Variants in PLCG1 observed in about 807,000 individuals in gnomAD.
PLCG1 encodes the protein phospholipase C gamma 1.
PLCG1 carries 71 observed loss-of-function variants against 177.8 expected under a neutral mutation model. That is an observed-to-expected ratio of 0.40 (90% CI 0.33 to 0.49). The LOEUF (loss-of-function observed/expected upper bound fraction) is 0.49, where lower values mean the gene tolerates loss of function less well. PLCG1 is among the 20% of genes least tolerant of loss of function. The pLI is 0.72. For missense variants in PLCG1, 1,281 were observed against 1,709.0 expected, an observed-to-expected ratio of 0.75 and a Z score of 4.42; for synonymous variants, 658 against 647.9, an observed-to-expected ratio of 1.02 and a Z score of -0.24.
intron 1 of PLCG1, among the ~76,000 whole-genome samples, chr20:41,155,596 G>C (rs1027285541): frequency 6.6e-6 from 1 of 152,156 alleles, no homozygotes; most frequent in Non-Finnish European, 1.5e-5. Context: ...TCCCTGCCAG[G>C]CTTCTTTTTG....
intron 1 of PLCG1, among the ~76,000 whole-genome samples, chr20:41,145,149 C>G (rs2034958284): frequency 6.6e-6 from 1 of 152,146 alleles, no homozygotes; most frequent in Non-Finnish European, 1.5e-5. Context: ...GCCCACATAT[C>G]AATGGCTGGC....
In PLCG1 at chr20:41,157,228, G is replaced by GTGTGTGTA. The variant is rs2035352220; in HGVS notation, c.218-2371_218-2370insATGTGTGT. Among the ~76,000 whole-genome samples the GTGTGTGTA allele has an allele frequency of 6.6e-6, 1 of 151,124 alleles. No individual in the cohort carries two copies. ...TCTGTGTGTGTGTGTGTGTGTGTGT[G>GTGTGTGTA]TGTGTGTGTGTGTACAGTCACACTC... On this transcript the variant is annotated intron_variant, in intron 1 of 31. Transcript: ENST00000685551. This position sits in a 1 kb window ranked among gnomAD's most constrained non-coding sequence, Gnocchi z 5.4.
rs1213101907 is a variant in PLCG1 at position 41,166,419 on chromosome 20, C to G, written c.2000+25C>G. 5 of 1,613,876 alleles carry G rather than the reference C, an allele frequency of 3.1e-6. No homozygotes were observed. The highest frequency in any genetic ancestry group is 2.5e-6 in the Non-Finnish European group (3 of 1,180,032). Reference sequence around the variant, plus strand: ...AGTGAGGGAAGGGCCTGGGGGCGGACAAGGCAGGGCAGGGCCATGGGTGGT... The same window carrying G: ...AGTGAGGGAAGGGCCTGGGGGCGGAGAAGGCAGGGCAGGGCCATGGGTGGT... On this transcript the variant is annotated intron_variant, in intron 17 of 31. Coordinates refer to ENST00000685551, the MANE Select transcript of PLCG1 (RefSeq NM_002660.3). This position sits in a 1 kb window ranked among gnomAD's most constrained non-coding sequence, Gnocchi z 8.6.
At chr20:41,162,238 T>TTC in intron 4 of PLCG1, 1 of 245,248 alleles carries the variant, frequency 4.1e-6, no homozygotes, top group Non-Finnish European at 7.6e-6. Context: ...TGTTTTTGTT[T>TTC]TTTTTTTTTT....
rs1178772715 is a variant in PLCG1, at chr20:41,164,754, G to A, written c.1218-179G>A. The stretch of plus-strand genomic sequence containing the variant: ...TTGCCACCCTTTGGTTTCCACTGCT[G>A]CCACAGCTGTAGAACCCCTCTCTGC... On this transcript the variant is annotated intron_variant, in intron 12 of 31. Transcript: ENST00000685551. The surrounding 1 kb of genome is among the most constrained non-coding windows in gnomAD (Gnocchi z 6.4). 6.6e-6 allele frequency among the ~76,000 whole-genome samples: 1 copy of A among 152,168 alleles called. No homozygotes were observed.
chr20:41,151,091 C>T lies in PLCG1; in HGVS notation c.218-8515C>T, dbSNP rs34873577. On this transcript the variant is annotated intron_variant, in intron 1 of 31. Transcript: ENST00000685551. This position sits in a 1 kb window ranked among gnomAD's most constrained non-coding sequence, Gnocchi z 5.5. ...GAGTGCTCTTCCAGCTTTAATTTCT[C>T]TGGGTGGGACCTCCTTTCCCTTCCT... Among the ~76,000 whole-genome samples the T allele has an allele frequency of 6.6e-6, 1 of 152,226 alleles. No homozygotes were observed. The highest frequency in any genetic ancestry group is 1.5e-5 in the Non-Finnish European group (1 of 68,044).
At position 41,166,896 on chromosome 20, in the gene PLCG1, G is replaced by T. The variant is rs768505471; in HGVS notation, c.2301+37G>T. 6.3e-7 allele frequency: 1 copy of T among 1,584,920 alleles called. No individual in the cohort carries two copies. The highest frequency in any genetic ancestry group is 1.1e-5 in the South Asian group (1 of 90,352). Reference sequence around the variant, plus strand: ...GTGGTAGACGGGGCATGGCAGGGGAGGCAGGAGAGACCCAGAATCTTACCA... The same window carrying T: ...GTGGTAGACGGGGCATGGCAGGGGATGCAGGAGAGACCCAGAATCTTACCA... On this transcript the variant is annotated intron_variant, in intron 19 of 31. Transcript: ENST00000685551. This position sits in a 1 kb window ranked among gnomAD's most constrained non-coding sequence, Gnocchi z 8.6.
intron 4 of PLCG1, among the ~76,000 whole-genome samples, chr20:41,162,181 C>G (rs2035521021): frequency 6.7e-6 from 1 of 149,322 alleles, no homozygotes; most frequent in African/African-American, 2.5e-5. Flanking sequence ...TTTACTGAAT[C>G]TGTTCACATC....
chr20:41,174,531 G>T lies in PLCG1; in HGVS notation c.*22G>T. The T allele has an allele frequency of 2.5e-6, 4 of 1,574,076 alleles. No homozygotes were observed. The highest frequency in any genetic ancestry group is 3.5e-6 in the Non-Finnish European group (4 of 1,158,414). Reference sequence around the variant, plus strand: ...CTAGTTGTACCCCAGCCTCGTTGGAGAGCAGCAGGTGCTGTGCGCCTTGTA... The same window carrying T: ...CTAGTTGTACCCCAGCCTCGTTGGATAGCAGCAGGTGCTGTGCGCCTTGTA... On this transcript the variant is annotated 3_prime_UTR_variant, in exon 32 of 32. Coordinates refer to ENST00000685551, the MANE Select transcript of PLCG1 (RefSeq NM_002660.3). The surrounding 1 kb of genome is among the most constrained non-coding windows in gnomAD (Gnocchi z 5.8).
In PLCG1 at chr20:41,173,738, G is replaced by T; in HGVS notation, c.3481G>T (p.Val1161Leu). 6.2e-7 allele frequency: 1 copy of T among 1,614,134 alleles called. No homozygotes were observed. The highest frequency in any genetic ancestry group is 8.5e-7 in the Non-Finnish European group (1 of 1,180,030). ...TGAATTTGCCTTTCTGCGCTTCGTG[G>T]TGTATGAGGAAGACATGTTTAGTGA... Reference protein sequence around the residue: ...NPEFAFLRFVVYEEDMFSDQN... With the variant: ...NPEFAFLRFVLYEEDMFSDQN... The change falls in exon 29 of 32, where the codon GTG (valine) becomes TTG (leucine). Residue 1161 changes from valine (V) to leucine (L), a missense_variant. Around this residue, in one of 4 missense-constraint regions of PLCG1, gnomAD observed 723 missense variants for 1,030.0 expected, o/e 0.70. Coordinates refer to ENST00000685551, the MANE Select transcript of PLCG1 (RefSeq NM_002660.3). The surrounding 1 kb of genome is among the most constrained non-coding windows in gnomAD (Gnocchi z 6.2).
chr20:41,172,696 G>T lies in PLCG1; in HGVS notation c.3131-33G>T. ...TGAGGAGGGGCACTGTGGGGCAGCT[G>T]GACTGGAATACACCATAATCTGCCT... On this transcript the variant is annotated intron_variant, in intron 26 of 31. Coordinates refer to ENST00000685551, the MANE Select transcript of PLCG1 (RefSeq NM_002660.3). This position sits in a 1 kb window ranked among gnomAD's most constrained non-coding sequence, Gnocchi z 7.0. 1 of 1,612,852 alleles carries T rather than the reference G, an allele frequency of 6.2e-7. No homozygotes were observed. The highest frequency in any genetic ancestry group is 1.1e-5 in the South Asian group (1 of 91,038).
In PLCG1 at chr20:41,174,829, G is replaced by A; in HGVS notation, c.*320G>A. The A allele has an allele frequency of 2.8e-6, 1 of 353,608 alleles. No homozygotes were observed. The highest frequency in any genetic ancestry group is 3.2e-5 in the South Asian group (1 of 31,012). 21.9% of individuals were successfully genotyped at this position (353,608 alleles called of 1,614,324 possible). ...CCATGGCCGAAGCCCCTTGGAGAGAGAGGCTGCCTCAGCCAGTGGCACAGG... is the reference window on the plus strand; with the variant it reads ...CCATGGCCGAAGCCCCTTGGAGAGAAAGGCTGCCTCAGCCAGTGGCACAGG... On this transcript the variant is annotated 3_prime_UTR_variant, in exon 32 of 32. Transcript: ENST00000685551. The surrounding 1 kb of genome is among the most constrained non-coding windows in gnomAD (Gnocchi z 5.8).
chr20:41,162,456 T>C lies in PLCG1; in HGVS notation c.517T>C (p.Ser173Pro). The C allele has an allele frequency of 6.2e-7, 1 of 1,613,100 alleles. No individual in the cohort carries two copies. The highest frequency in any genetic ancestry group is 8.5e-7 in the Non-Finnish European group (1 of 1,179,288). Residue 173 changes from serine (S) to proline (P), a missense_variant, in exon 5 of 32, where the codon TCA becomes CCA. Ser to Pro is a moderately conservative substitution (Grantham distance 74, BLOSUM62 -1). Transcript: ENST00000685551. Reference protein sequence around the residue: ...SVDRNREDRISAKDLKNMLSQ... With the variant: ...SVDRNREDRIPAKDLKNMLSQ... ...GGGATGTCCCTGTTTTCTCAGTATA[T>C]CAGCCAAGGACCTGAAGAACATGCT...
intron 1 of PLCG1, among the ~76,000 whole-genome samples, chr20:41,155,911 C>T (rs1242329762): frequency 6.6e-6 from 1 of 152,142 alleles, no homozygotes; most frequent in East Asian, 1.9e-4. Flanking sequence ...GGCCTCATAG[C>T]TAGAATTTAA....
intron 1 of PLCG1, among the ~76,000 whole-genome samples, chr20:41,155,868 G>A (rs574198679): frequency 7.0e-4 from 107 of 152,252 alleles, no homozygotes; most frequent in Middle Eastern, 6.8e-3. Context: ...TCCTGATGGG[G>A]AAACTGAGAC....
rs1409010094 is a variant in PLCG1 at position 41,153,571 on chromosome 20, TG to T, written c.218-6034del. 1.3e-5 allele frequency among the ~76,000 whole-genome samples: 2 copies of T among 152,318 alleles called. No homozygotes were observed. Among genetic ancestry groups the T allele is most frequent in the African/African-American group, 4.8e-5 (2 of 41,566 alleles). ...GCCTCAGCCTTCTAAAGTGAGCGTA[TG>T]CACTTTATAAAGGGAAAACCCTCTC... On this transcript the variant is annotated intron_variant, in intron 1 of 31. Transcript: ENST00000685551. The surrounding 1 kb of genome is among the most constrained non-coding windows in gnomAD (Gnocchi z 5.1).
intron 24 of PLCG1, among the ~76,000 whole-genome samples, chr20:41,171,805 G>T (rs1400310187): frequency 6.6e-6 from 1 of 152,102 alleles, no homozygotes; most frequent in East Asian, 1.9e-4. Context: ...GCAGTCACAG[G>T]TAACACAGAA....
chr20:41,172,917 C>T lies in PLCG1; in HGVS notation c.3279+40C>T, dbSNP rs141627180. ...TCTGGGCTTCAGGGTAGGAAAGGGG[C>T]TGCTTGCCGTTGGAGTCTGTTTATG... is the stretch of plus-strand genomic sequence containing the variant. On this transcript the variant is annotated intron_variant, in intron 27 of 31. Coordinates refer to ENST00000685551, the MANE Select transcript of PLCG1 (RefSeq NM_002660.3). This position sits in a 1 kb window ranked among gnomAD's most constrained non-coding sequence, Gnocchi z 7.0. 1.9e-5 allele frequency: 31 copies of T among 1,598,876 alleles called. No homozygotes were observed. The East Asian group carries it at 6.5e-4, about 34-fold the overall frequency.
chr20:41,171,420 C>T (rs2035891472), intron 24 of PLCG1, among the ~76,000 whole-genome samples: 2 of 151,980 alleles, frequency 1.3e-5, no homozygotes, highest in South Asian at 4.2e-4. Flanking sequence ...AACCCTGTCT[C>T]TACTGAAAAT....
Sources: gnomAD v4.1 joint callset for allele counts (sites outside exome capture counted in the v4.1 genomes callset) on GRCh38, gnomAD v4.1.1 for gene constraint, gnomAD v4.1.1 regional missense constraint, Gnocchi (gnomAD v3.1) non-coding constraint, MANE v1.5 for transcripts, NCBI Gene and HGNC (gene_info 2026-07-23, HGNC 2026-07-21) for gene names.